The following CFHR4 variants were observed in gnomAD, a reference collection of about 807,000 sequenced individuals.
CFHR4 encodes complement factor H related 4, also known as complement factor H-related protein 4.
Under a neutral mutation model 69.3 loss-of-function variants are expected in CFHR4, and 64 were observed. That is an observed-to-expected ratio of 0.92 (90% CI 0.76 to 1.14). CFHR4 has a LOEUF of 1.14. CFHR4 is among the 50% of genes most tolerant of loss of function. The probability of loss-of-function intolerance (pLI) is 0.00; values close to 1 mark genes in which losing one functional copy is unlikely to be tolerated. For synonymous variants in CFHR4, 244 were observed against 237.0 expected (o/e 1.03, Z -0.27); for missense variants, 636 against 684.9 (o/e 0.93, Z 0.80).
chr1:196,890,673 A>G (rs1656975726), intron 1 of CFHR4, among the ~76,000 whole-genome samples: 1 of 151,638 alleles, frequency 6.6e-6, no homozygotes, highest in South Asian at 2.1e-4. Context: ...TTCAAACTAG[A>G]TCATTTTCAA....
chr1:196,897,278 G>C (rs1318653145), intron 1 of CFHR4, among the ~76,000 whole-genome samples: 3 of 151,532 alleles, frequency 2.0e-5, no homozygotes, highest in Non-Finnish European at 4.4e-5. Context: ...GCCGGCATGA[G>C]TGCTTTTGAG....
rs1178282161 is a variant in CFHR4 at position 196,910,599 on chromosome 1, T to C, written c.997+121T>C. The C allele has an allele frequency of 9.2e-6, 7 of 760,806 alleles. 1 individual carries two copies. Among genetic ancestry groups the C allele is most frequent in the African/African-American group, 3.6e-5 (2 of 56,238 alleles). The allele number at this position is 760,806 out of a possible 1,614,324, so 47.1% of individuals were successfully genotyped here. On this transcript the variant is annotated intron_variant, in intron 6 of 9. Coordinates refer to ENST00000608469, the MANE Select transcript of CFHR4 (RefSeq NM_001201550.3). The stretch of plus-strand genomic sequence containing the variant: ...ATGGTACCAAAGGAAGAGTTGTTCA[T>C]GCAAAAACACCAAACTAGATCTTTT...
At position 196,892,955 on chromosome 1, in the gene CFHR4, T is replaced by C. The variant is rs1258916428; in HGVS notation, c.58+4747T>C. Among the ~76,000 whole-genome samples, 3 of 151,594 alleles carry C rather than the reference T, an allele frequency of 2.0e-5. 1 individual carries two copies. The highest frequency in any genetic ancestry group is 7.3e-5 in the African/African-American group (3 of 41,094). ...GTTAAGTGGAAGAAAATGAAGAGTT[T>C]CATTAATAACCCTAATATTAATGGA... is the stretch of plus-strand genomic sequence containing the variant. On this transcript the variant is annotated intron_variant, in intron 1 of 9. Coordinates refer to ENST00000608469, the MANE Select transcript of CFHR4 (RefSeq NM_001201550.3).
chr1:196,888,144 A>G lies in CFHR4; in HGVS notation c.-7A>G. On this transcript the variant is annotated 5_prime_UTR_variant, in exon 1 of 10. The change creates a new upstream start codon in the 5' untranslated region. Transcript: ENST00000608469. Reference sequence around the variant, plus strand: ...TTTGCATTACTATACTACTGAGAATATCTAACATGTTGTTACTAATCAATG... The same window carrying G: ...TTTGCATTACTATACTACTGAGAATGTCTAACATGTTGTTACTAATCAATG... 6.2e-7 allele frequency: 1 copy of G among 1,610,564 alleles called. No homozygotes were observed. Among genetic ancestry groups the G allele is most frequent in the Non-Finnish European group, 8.5e-7 (1 of 1,178,060 alleles).
rs185136769 is a variant in CFHR4, at chr1:196,914,750, T to C, written c.1357+79T>C. The C allele has an allele frequency of 7.8e-4, 1,106 of 1,425,824 alleles. 30 individuals are homozygous for C. In the East Asian group the frequency reaches 9.1e-3, roughly 12 times the overall value. The allele number at this position is 1,425,824 out of a possible 1,614,324, so 88.3% of individuals were successfully genotyped here. A position where few individuals can be genotyped will look rare whatever the true frequency, so the allele number is the denominator to read the frequency against. Reference sequence around the variant, plus strand: ...CTACATATGTATATGTACACATATGTGTGTACATATATGTACATATATATG... The same window carrying C: ...CTACATATGTATATGTACACATATGCGTGTACATATATGTACATATATATG... On this transcript the variant is annotated intron_variant, in intron 8 of 9. Transcript: ENST00000608469.
chr1:196,898,373 A>T (rs893947638), intron 1 of CFHR4, among the ~76,000 whole-genome samples: 4 of 151,602 alleles, frequency 2.6e-5, no homozygotes, highest in Admixed American at 1.3e-4. Flanking sequence ...TTAAACACAA[A>T]AAAAGGGGAG....
chr1:196,914,564 A>G lies in CFHR4; in HGVS notation c.1250A>G (p.Asp417Gly), dbSNP rs1658469945. The change falls in exon 8 of 10, where the codon GAC (aspartate) becomes GGC (glycine). Residue 417 changes from aspartate to glycine, a missense_variant. By Grantham distance (94) the Asp-to-Gly change is moderately conservative. Transcript: ENST00000608469. ...KSNGMRFKLH[D>G]TLDYECYDGY... ...AATGGCATGCGGTTTAAGCTCCATG[A>G]CACATTGGACTACGAATGCTACGAT... 2 of 1,611,682 alleles carry G rather than the reference A, an allele frequency of 1.2e-6. No homozygotes were observed. The highest frequency in any genetic ancestry group is 1.7e-6 in the Non-Finnish European group (2 of 1,179,080).
chr1:196,913,015 T>C, intron 7 of CFHR4, 93 bp downstream of exon 7: 2 of 1,592,928 alleles, frequency 1.3e-6, no homozygotes, highest in Non-Finnish European at 1.7e-6. Context: ...GAAAACACTT[T>C]TAGGAGTAAA....
At position 196,910,458 on chromosome 1, in the gene CFHR4, T is replaced by G. The variant is rs1388033468; in HGVS notation, c.977T>G (p.Leu326Trp). 2 of 1,612,564 alleles carry G rather than the reference T, an allele frequency of 1.2e-6. No homozygotes were observed. The highest frequency in any genetic ancestry group is 1.7e-6 in the Non-Finnish European group (2 of 1,179,416). The change falls in exon 6 of 10, where the codon TTG becomes TGG. Residue 326 changes from leucine (L) to tryptophan (W), a missense_variant. This residue lies in a region of CFHR4 where 529 missense variants were observed against 533.2 expected (regional missense o/e 0.99). Transcript: ENST00000608469. ...DYIHCTQDGW[L>W]PTVPCLRTCS... Reference sequence around the variant, plus strand: ...ATTCACTGCACACAAGATGGGTGGTTGCCAACAGTCCCATGCCTCAGTAAG... The same window carrying G: ...ATTCACTGCACACAAGATGGGTGGTGGCCAACAGTCCCATGCCTCAGTAAG...
At position 196,905,171 on chromosome 1, in the gene CFHR4, A is replaced by G. The variant is rs2124954200; in HGVS notation, c.320A>G (p.Tyr107Cys). ...NGFISESSSI[Y>C]ILNEETQYNC... ...TTCATTTCTGAATCTTCCTCTATTT[A>G]TATTTTAAATGAAGAAACACAATAT... Residue 107 changes from tyrosine to cysteine, a missense_variant, in exon 3 of 10, where the codon TAT (tyrosine) becomes TGT (cysteine). Physicochemically the swap from Tyr to Cys is radical, Grantham distance 194. This residue lies in a region of CFHR4 where 529 missense variants were observed against 533.2 expected (regional missense o/e 0.99). Transcript: ENST00000608469. 2 of 1,609,130 alleles carry G rather than the reference A, an allele frequency of 1.2e-6. No homozygotes were observed. Among genetic ancestry groups the G allele is most frequent in the South Asian group, 1.1e-5 (1 of 90,200 alleles).
At chr1:196,891,767 T>C (rs1657053257) in intron 1 of CFHR4, among the ~76,000 whole-genome samples, 1 of 151,344 alleles carries the variant, frequency 6.6e-6, no homozygotes, top group South Asian at 2.1e-4. Flanking sequence ...TAAATTGTGG[T>C]AGTGTTCAAT....
chr1:196,890,237 T>TA, intron 1 of CFHR4, among the ~76,000 whole-genome samples: 1 of 151,752 alleles, frequency 6.6e-6, no homozygotes, highest in African/African-American at 2.4e-5. Context: ...TTTATGTTTA[T>TA]ATATACCTGT....
rs1657945408 is a variant in CFHR4 at position 196,907,008 on chromosome 1, A to G, written c.587A>G (p.Asp196Gly). 6.2e-7 allele frequency: 1 copy of G among 1,611,736 alleles called. No homozygotes were observed. Among genetic ancestry groups the G allele is most frequent in the Non-Finnish European group, 8.5e-7 (1 of 1,179,250 alleles). The change falls in exon 4 of 10, where the codon GAT becomes GGT. Residue 196 changes from aspartate to glycine, a missense_variant. By Grantham distance (94) the Asp-to-Gly change is moderately conservative. This residue lies in a region of CFHR4 where 529 missense variants were observed against 533.2 expected (regional missense o/e 0.99). Coordinates refer to ENST00000608469, the MANE Select transcript of CFHR4 (RefSeq NM_001201550.3). ...NTTDSIVCGE[D>G]GWSHLPTCYN... The stretch of plus-strand genomic sequence containing the variant: ...ACAGATTCCATAGTGTGTGGTGAAG[A>G]TGGCTGGTCCCATTTGCCAACATGC...
intron 1 of CFHR4, among the ~76,000 whole-genome samples, chr1:196,898,541 G>T (rs1010540425): frequency 1.3e-5 from 2 of 151,508 alleles, no homozygotes; most frequent in African/African-American, 2.4e-5. Context: ...TATATGAATA[G>T]ATATTTCTCT....
intron 1 of CFHR4, among the ~76,000 whole-genome samples, chr1:196,890,934 A>G (rs1656994249): frequency 6.6e-6 from 1 of 151,460 alleles, no homozygotes. Flanking sequence ...TGAAAACCTC[A>G]CTTCAGGTTC....
At chr1:196,896,961 T>C (rs2124941403) in intron 1 of CFHR4, among the ~76,000 whole-genome samples, 1 of 151,706 alleles carries the variant, frequency 6.6e-6, no homozygotes, top group Admixed American at 6.6e-5. Flanking sequence ...GTTTGTTACA[T>C]ATGTATAAAT....
At chr1:196,913,272 C>T (rs1398935642) in intron 7 of CFHR4, among the ~76,000 whole-genome samples, 1 of 151,488 alleles carries the variant, frequency 6.6e-6, no homozygotes, top group Admixed American at 6.6e-5. Context: ...TTATCAACTG[C>T]TTGTATTGCA....
At position 196,901,028 on chromosome 1, in the gene CFHR4, G is replaced by T. The variant is rs933247912; in HGVS notation, c.59-1390G>T. Among the ~76,000 whole-genome samples, 2 of 151,482 alleles carry T rather than the reference G, an allele frequency of 1.3e-5. 1 individual carries two copies. Among genetic ancestry groups the T allele is most frequent in the African/African-American group, 4.9e-5 (2 of 41,180 alleles). ...AAAAATTTTTCTAATCAAACAAAAA[G>T]AAATAGATTGATGAACGCCAGATGT... On this transcript the variant is annotated intron_variant, in intron 1 of 9. Coordinates refer to ENST00000608469, the MANE Select transcript of CFHR4 (RefSeq NM_001201550.3).
At chr1:196,907,139 T>C (rs758645335) in intron 4 of CFHR4, 102 bp downstream of exon 4, 10 of 1,209,560 alleles carry the variant, frequency 8.3e-6, no homozygotes, top group Non-Finnish European at 1.2e-5. Flanking sequence ...TGTGTACATA[T>C]ACATGTAGTC....
Sources: gnomAD v4.1 joint callset for allele counts (sites outside exome capture counted in the v4.1 genomes callset) on GRCh38, gnomAD v4.1.1 for gene constraint, gnomAD v4.1.1 regional missense constraint, MANE v1.5 for transcripts, NCBI Gene and HGNC (gene_info 2026-07-23, HGNC 2026-07-21) for gene names.